RRP9: variants seen among roughly 807,000 people sequenced by gnomAD.
RRP9 encodes the protein ribosomal RNA processing 9, U3 small nucleolar RNA binding protein.
A neutral mutation model predicts 65.5 loss-of-function variants in RRP9; 35 were observed. The ratio of observed to expected loss-of-function variants is 0.53; its 90% confidence interval spans 0.41 to 0.71. RRP9 has a LOEUF of 0.71. RRP9 is among the 30% of genes least tolerant of loss of function. The pLI is 0.00. For missense variants in RRP9, 533 were observed against 633.6 expected (o/e 0.84, Z 1.70); for synonymous variants, 254 against 245.0 (o/e 1.04, Z -0.34).
intron 2 of RRP9, among the ~76,000 whole-genome samples, chr3:51,940,207 G>A (rs1039689026): frequency 1.3e-5 from 2 of 151,982 alleles, no homozygotes; most frequent in African/African-American, 4.8e-5. Context: ...AGTGAGCCGA[G>A]ATCGCACCAC....
Position 51,937,824 on chromosome 3 carries a change from G to T in RRP9, c.281-88C>A. The T allele has an allele frequency of 6.7e-7, 1 of 1,485,790 alleles. No individual in the cohort carries two copies. The highest frequency in any genetic ancestry group is 1.2e-5 in the South Asian group (1 of 84,732). 92.0% of individuals were successfully genotyped at this position (1,485,790 alleles called of 1,614,324 possible). On this transcript the variant is annotated intron_variant, in intron 3 of 14. Coordinates refer to ENST00000232888, the MANE Select transcript of RRP9 (RefSeq NM_004704.5). This position sits in a 1 kb window ranked among gnomAD's most constrained non-coding sequence, Gnocchi z 5.0. Reference sequence around the variant, plus strand: ...TCCCCATCCCACTGCCCCAGGGCTGGATAATGCAGGAAGCTCCAGCTGCCT... The same window carrying T: ...TCCCCATCCCACTGCCCCAGGGCTGTATAATGCAGGAAGCTCCAGCTGCCT...
Position 51,941,477 on chromosome 3 carries a change from C to A in RRP9, c.102G>T (p.Gly34=). The part of the protein sequence containing the change: ...GKRRRKADSA[G]DRGKSKGGGK... ...CGCCACCCTTGGATTTGCCCCTGTCCCCCGCAGAGTCGGCCTGGGAATTAT... is the reference window on the plus strand; with the variant it reads ...CGCCACCCTTGGATTTGCCCCTGTCACCCGCAGAGTCGGCCTGGGAATTAT... Residue 34 remains glycine (G), a synonymous_variant, in exon 2 of 15, where the codon GGG becomes GGT. Transcript: ENST00000232888. The A allele has an allele frequency of 6.2e-7, 1 of 1,614,126 alleles. No homozygotes were observed. Among genetic ancestry groups the A allele is most frequent in the Non-Finnish European group, 8.5e-7 (1 of 1,180,024 alleles).
chr3:51,938,035 C>T, intron 3 of RRP9, 60 bp downstream of exon 3: 4 of 1,355,180 alleles, frequency 3.0e-6, no homozygotes, highest in East Asian at 2.3e-5. Context: ...GCTGCAGCGG[C>T]GGGCAGCAGA....
chr3:51,936,162 G>T, intron 8 of RRP9, 95 bp downstream of exon 8: 2 of 1,188,562 alleles, frequency 1.7e-6, no homozygotes, highest in Non-Finnish European at 2.5e-6. Context: ...CAGGATGCAG[G>T]TTCCCTGAGG....
In RRP9 at chr3:51,941,883, T is replaced by C; in HGVS notation, c.-16A>G. 5.7e-6 allele frequency: 9 copies of C among 1,565,574 alleles called. No individual in the cohort carries two copies. Among genetic ancestry groups the C allele is most frequent in the Non-Finnish European group, 7.7e-6 (9 of 1,162,694 alleles). ...TTGCCGACATGCTGCCCACCAGGCG[T>C]GTAGCAGCGGCCGCAGAACTCACGT... On this transcript the variant is annotated 5_prime_UTR_variant, in exon 1 of 15. Coordinates refer to ENST00000232888, the MANE Select transcript of RRP9 (RefSeq NM_004704.5).
chr3:51,935,197 C>T lies in RRP9; in HGVS notation c.1034G>A (p.Gly345Asp). The change falls in exon 11 of 15, where the codon GGC (glycine) becomes GAC (aspartate). Residue 345 changes from glycine to aspartate, a missense_variant and splice_region_variant. Gly to Asp is a moderately conservative substitution (Grantham distance 94, BLOSUM62 -1). Transcript: ENST00000232888. ...CAGAGACATCCAAAGGACCTCTTAC[C>T]CATCGTCCGCGCCGGACACCATGTG... is the stretch of plus-strand genomic sequence containing the variant. ...EEHMVSGADD[G>D]SVALWGLSKK... 1 of 1,614,066 alleles carries T rather than the reference C, an allele frequency of 6.2e-7. No homozygotes were observed. Among genetic ancestry groups the T allele is most frequent in the Non-Finnish European group, 8.5e-7 (1 of 1,179,990 alleles).
rs1217270220 is a variant in RRP9, at chr3:51,934,473, A to C, written c.1259T>G (p.Leu420Arg). ...GAGCATTCAAGCACACTCACTCACC[A>C]GGGGGATGTCACAGAGAAGGTCAAG... ...RQLDLLCDIP[L>R]VGFINSLKFS... Residue 420 changes from leucine to arginine, a missense_variant and splice_region_variant, in exon 13 of 15, where the codon CTG becomes CGG. Physicochemically the swap from Leu to Arg is moderately radical, Grantham distance 102 (BLOSUM62 -2). Transcript: ENST00000232888. This position sits in a 1 kb window ranked among gnomAD's most constrained non-coding sequence, Gnocchi z 4.1. 3 of 1,613,018 alleles carry C rather than the reference A, an allele frequency of 1.9e-6. No individual in the cohort carries two copies. Among genetic ancestry groups the C allele is most frequent in the Admixed American group, 3.3e-5 (2 of 59,966 alleles).
Position 51,934,867 on chromosome 3 carries a change from A to T in RRP9, c.1035-91T>A, listed in dbSNP as rs1699434915. On this transcript the variant is annotated intron_variant, in intron 11 of 14. Coordinates refer to ENST00000232888, the MANE Select transcript of RRP9 (RefSeq NM_004704.5). This position sits in a 1 kb window ranked among gnomAD's most constrained non-coding sequence, Gnocchi z 4.1. ...AAAGGATTAATGCTTGAGGGGATGG[A>T]TACCCCATTTCCCATGATGTGATTA... 2 of 1,356,936 alleles carry T rather than the reference A, an allele frequency of 1.5e-6. No individual in the cohort carries two copies. The highest frequency in any genetic ancestry group is 4.6e-5 in the East Asian group (2 of 43,074). 84.1% of individuals were successfully genotyped at this position (1,356,936 alleles called of 1,614,324 possible). A position where few individuals can be genotyped will look rare whatever the true frequency, so the allele number is the denominator to read the frequency against.
intron 8 of RRP9, 72 bp from the exon 9 acceptor site, chr3:51,935,764 G>A: frequency 7.5e-7 from 1 of 1,326,188 alleles, no homozygotes; most frequent in Non-Finnish European, 1.1e-6. Context: ...GGCCCAGGGA[G>A]GACTTCCCAA....
intron 2 of RRP9, 120 bp from the exon 3 acceptor site, chr3:51,938,324 G>A (rs1464207520): frequency 4.2e-6 from 3 of 716,640 alleles, no homozygotes; most frequent in Non-Finnish European, 6.9e-6. Context: ...AGCCCACATG[G>A]TCGGTGACTA....
At position 51,934,495 on chromosome 3, in the gene RRP9, C is replaced by G. The variant is rs1292600805; in HGVS notation, c.1237G>C (p.Asp413His). ...WQCGEGFRQL[D>H]LLCDIPLVGF... is the part of the protein sequence containing the mutation. ...ACCAGGGGGATGTCACAGAGAAGGT[C>G]AAGCTGCCGGAAGCCTTCCCCACAC... The change falls in exon 13 of 15, where the codon GAC (aspartate) becomes CAC (histidine). Residue 413 changes from aspartate (D) to histidine (H), a missense_variant. Transcript: ENST00000232888. The surrounding 1 kb of genome is among the most constrained non-coding windows in gnomAD (Gnocchi z 4.1). 6.2e-7 allele frequency: 1 copy of G among 1,613,746 alleles called. No homozygotes were observed. The highest frequency in any genetic ancestry group is 1.3e-5 in the African/African-American group (1 of 74,924).
At position 51,937,245 on chromosome 3, in the gene RRP9, G is replaced by A. The variant is rs770646767; in HGVS notation, c.464C>T (p.Thr155Ile). The A allele has an allele frequency of 8.7e-6, 14 of 1,614,098 alleles. No individual in the cohort carries two copies. The highest frequency in any genetic ancestry group is 1.1e-5 in the South Asian group (1 of 91,078). Residue 155 changes from threonine (T) to isoleucine (I), a missense_variant, in exon 6 of 15, where the codon ACC becomes ATC. Thr to Ile is a moderately conservative substitution (Grantham distance 89). Transcript: ENST00000232888. The surrounding 1 kb of genome is among the most constrained non-coding windows in gnomAD (Gnocchi z 5.0). Reference protein sequence around the residue: ...HQLSITCLVVTPDDSAIFSAA... With the variant: ...HQLSITCLVVIPDDSAIFSAA... ...AGAGAAGATGGCTGAGTCATCGGGG[G>A]TGACGACCAAACATGTGATAGAGAG... is the stretch of plus-strand genomic sequence containing the variant.
Position 51,936,527 on chromosome 3 carries a change from A to T in RRP9, c.546T>A (p.His182Gln), listed in dbSNP as rs1559743733. The T allele has an allele frequency of 1.2e-6, 2 of 1,613,974 alleles. No individual in the cohort carries two copies. The highest frequency in any genetic ancestry group is 1.7e-5 in the Admixed American group (1 of 59,986). The change falls in exon 7 of 15, where the codon CAT becomes CAA. Residue 182 changes from histidine (H) to glutamine (Q), a missense_variant. Transcript: ENST00000232888. ...CACCCTTCTTGGCTCGAGGAATCAC[A>T]TGCAGCTTCCGTCCACTCTCCACGC... ...KWSVESGRKL[H>Q]VIPRAKKGAE...
chr3:51,934,808 G>C lies in RRP9; in HGVS notation c.1035-32C>G, dbSNP rs757566437. 6.3e-7 allele frequency: 1 copy of C among 1,598,754 alleles called. No individual in the cohort carries two copies. The highest frequency in any genetic ancestry group is 1.1e-5 in the South Asian group (1 of 90,842). ...ACAGGGAGGGAATACAGCAGTGAGG[G>C]GGCCAGAGGCAGAAAAGGCCCCCTG... On this transcript the variant is annotated intron_variant, in intron 11 of 14. Transcript: ENST00000232888. This position sits in a 1 kb window ranked among gnomAD's most constrained non-coding sequence, Gnocchi z 4.1.
At chr3:51,933,931 G>A (rs899196904) in intron 13 of RRP9, 150 bp from the exon 14 acceptor site, 3 of 725,782 alleles carry the variant, frequency 4.1e-6, no homozygotes, top group African/African-American at 3.5e-5. Flanking sequence ...CCCTTCACTT[G>A]TCAGGGCCTC....
In RRP9 at chr3:51,941,780, C is replaced by A; in HGVS notation, c.87+1G>T. On this transcript the variant is annotated splice_donor_variant, in intron 1 of 14. Coordinates refer to ENST00000232888, the MANE Select transcript of RRP9 (RefSeq NM_004704.5). LOFTEE classifies it high-confidence loss of function. ...GCGGCCCTCAGAAGCGCCATGCTCA[C>A]CTTTCGCCGCCGCTTGCCGGCCCCC... is the stretch of plus-strand genomic sequence containing the variant. 6.4e-7 allele frequency: 1 copy of A among 1,558,396 alleles called. No homozygotes were observed. The highest frequency in any genetic ancestry group is 8.6e-7 in the Non-Finnish European group (1 of 1,159,616).
In RRP9 at chr3:51,934,563, G is replaced by C. The variant is rs773721094; in HGVS notation, c.1181-12C>G. On this transcript the variant is annotated splice_polypyrimidine_tract_variant and intron_variant, in intron 12 of 14. Coordinates refer to ENST00000232888, the MANE Select transcript of RRP9 (RefSeq NM_004704.5). The surrounding 1 kb of genome is among the most constrained non-coding windows in gnomAD (Gnocchi z 4.1). ...GGAGCTGTGGGAGCCTGGGGAGACT[G>C]GAACAGTGAGCAACCCCTGCACCGG... The C allele has an allele frequency of 1.2e-6, 2 of 1,613,826 alleles. No homozygotes were observed. The highest frequency in any genetic ancestry group is 4.5e-5 in the East Asian group (2 of 44,874).
At position 51,934,731 on chromosome 3, in the gene RRP9, C is replaced by T. The variant is rs1397148645; in HGVS notation, c.1080G>A (p.Leu360=). ...WGLSKKRPLA[L]QREAHGLRGE... ...CCCGCAGCCCGTGAGCTTCACGCTG[C>T]AGGGCAAGTGGTCGCTTCTTGGAGA... Residue 360 remains leucine, a synonymous_variant, in exon 12 of 15, where the codon CTG becomes CTA. Transcript: ENST00000232888. The surrounding 1 kb of genome is among the most constrained non-coding windows in gnomAD (Gnocchi z 4.1). 1.9e-6 allele frequency: 3 copies of T among 1,614,156 alleles called. No individual in the cohort carries two copies. The highest frequency in any genetic ancestry group is 2.2e-5 in the East Asian group (1 of 44,878).
At chr3:51,939,917 C>A (rs1699501262) in intron 2 of RRP9, among the ~76,000 whole-genome samples, 1 of 152,204 alleles carries the variant, frequency 6.6e-6, no homozygotes, top group Non-Finnish European at 1.5e-5. Context: ...ACTTAGCCCA[C>A]ACTAGCCTGG....
Sources: gnomAD v4.1 joint callset for allele counts (sites outside exome capture counted in the v4.1 genomes callset) on GRCh38, gnomAD v4.1.1 for gene constraint, Gnocchi (gnomAD v3.1) non-coding constraint, MANE v1.5 for transcripts, NCBI Gene and HGNC (gene_info 2026-07-23, HGNC 2026-07-21) for gene names.